Variants in FER1L6 observed in about 807,000 individuals in gnomAD.
FER1L6 encodes the protein fer-1 like family member 6.
Under a neutral mutation model 219.2 loss-of-function variants are expected in FER1L6, and 177 were observed. That is an observed-to-expected ratio of 0.81 (90% CI 0.71 to 0.91). FER1L6 has a LOEUF of 0.91. Ranked by LOEUF, FER1L6 falls within the 40% of genes least tolerant of loss-of-function variation. The probability of loss-of-function intolerance (pLI) is 0.00; values close to 1 mark genes in which losing one functional copy is unlikely to be tolerated. For missense variants in FER1L6, 2,153 were observed against 2,259.9 expected (o/e 0.95, Z 0.96); for synonymous variants, 768 against 824.3 (o/e 0.93, Z 1.17).
At chr8:123,987,852 C>T (rs139739978) in intron 12 of FER1L6, among the ~76,000 whole-genome samples, 1 of 152,150 alleles carries the variant, frequency 6.6e-6, no homozygotes, top group South Asian at 2.1e-4. Flanking sequence ...TGGCTCACAC[C>T]TGTAATCCCA....
intron 2 of FER1L6, 96 bp downstream of exon 2, chr8:123,956,170 G>T: frequency 9.1e-7 from 1 of 1,104,184 alleles, no homozygotes; most frequent in Non-Finnish European, 1.3e-6. Flanking sequence ...CAATGGGAGC[G>T]AGGGGGAGTG....
chr8:123,985,914 A>C (rs1401155423), intron 11 of FER1L6, 154 bp from the exon 12 acceptor site: 5 of 598,004 alleles, frequency 8.4e-6, no homozygotes, highest in African/African-American at 5.6e-5. Flanking sequence ...TGATTCATAC[A>C]TGTCTTATTT....
intron 10 of FER1L6, among the ~76,000 whole-genome samples, chr8:123,978,659 A>G (rs1816197374): frequency 6.6e-6 from 1 of 152,218 alleles, no homozygotes; most frequent in South Asian, 2.1e-4. Flanking sequence ...ATATACATGT[A>G]TGTACAAATA....
rs192956509 is a variant in FER1L6 at position 124,056,683 on chromosome 8, A to C, written c.2875-3497A>C. Among the ~76,000 whole-genome samples the C allele has an allele frequency of 6.3e-4, 96 of 152,306 alleles. 1 individual carries two copies. The highest frequency in any genetic ancestry group is 2.9e-3 in the Admixed American group (44 of 15,298). ...GACCTGCTAATGAAGACTTTGCAGA[A>C]GGCATCCACCCTAAAATAGGCTTAA... On this transcript the variant is annotated intron_variant, in intron 22 of 40. Transcript: ENST00000522917.
At chr8:123,874,779 C>T (rs1816977549) in intron 1 of FER1L6, among the ~76,000 whole-genome samples, 1 of 152,200 alleles carries the variant, frequency 6.6e-6, no homozygotes, top group Admixed American at 6.5e-5. Context: ...CCTGAATCAT[C>T]AAATGTTCCC....
rs1238921093 is a variant in FER1L6 at position 123,851,991 on chromosome 8, G to A, written c.-202G>A. ...TGTAAAGTACTGTCACCTAGTTGGT[G>A]AGGTTGCCTGTAACTGACTTCAAAA... On this transcript the variant is annotated 5_prime_UTR_variant, in exon 1 of 41. Coordinates refer to ENST00000522917, the MANE Select transcript of FER1L6 (RefSeq NM_001039112.2). The A allele has an allele frequency of 6.6e-6, 1 of 152,218 alleles. No individual in the cohort carries two copies. The highest frequency in any genetic ancestry group is 2.4e-5 in the African/African-American group (1 of 41,462). The allele number at this position is 152,218 out of a possible 1,614,324, so 9.4% of individuals were successfully genotyped here. A position where few individuals can be genotyped will look rare whatever the true frequency, so the allele number is the denominator to read the frequency against.
chr8:123,976,743 T>A (rs926303473), intron 9 of FER1L6, among the ~76,000 whole-genome samples: 2 of 152,132 alleles, frequency 1.3e-5, no homozygotes, highest in Admixed American at 1.3e-4. Flanking sequence ...CCCCAGGTAG[T>A]CCTTGTCTTA....
At chr8:124,109,036 T>C (rs1822901623) in intron 39 of FER1L6, among the ~76,000 whole-genome samples, 2 of 152,132 alleles carry the variant, frequency 1.3e-5, no homozygotes, top group Admixed American at 1.3e-4. Context: ...ATGGCTACGT[T>C]GTCTGGGGGT....
chr8:124,107,243 C>T (rs980752594), intron 39 of FER1L6, among the ~76,000 whole-genome samples: 5 of 152,156 alleles, frequency 3.3e-5, no homozygotes, highest in South Asian at 4.2e-4. Context: ...CCACCGCGCC[C>T]GGCCAAGAGA....
rs1185227317 is a variant in FER1L6 at position 124,071,620 on chromosome 8, T to C, written c.4081T>C (p.Tyr1361His). The C allele has an allele frequency of 6.2e-6, 10 of 1,613,334 alleles. No individual in the cohort carries two copies. The East Asian group carries it at 1.1e-4, about 18-fold the overall frequency. ...CCCTGTCACAGTGCTGATCAGAGTA[T>C]ACATTGTCGCGGTGAGCCATTCTTG... ...NHPVTVLIRV[Y>H]IVAAFNLSPA... Residue 1361 changes from tyrosine (Y) to histidine (H), a missense_variant, in exon 31 of 41, where the codon TAC (tyrosine) becomes CAC (histidine). Physicochemically the swap from Tyr to His is moderately conservative, Grantham distance 83. Coordinates refer to ENST00000522917, the MANE Select transcript of FER1L6 (RefSeq NM_001039112.2).
intron 2 of FER1L6, among the ~76,000 whole-genome samples, chr8:123,960,513 C>T (rs897839074): frequency 4.6e-5 from 7 of 152,294 alleles, no homozygotes; most frequent in African/African-American, 1.7e-4. Context: ...ACCTATCCTT[C>T]CTAGACTAGT....
At chr8:123,867,308 T>A (rs1484974894) in intron 1 of FER1L6, among the ~76,000 whole-genome samples, 8 of 152,242 alleles carry the variant, frequency 5.3e-5, no homozygotes, top group Admixed American at 5.2e-4. Flanking sequence ...CTAGGGACAA[T>A]GTGGTCCCAC....
chr8:124,117,450 T>C (rs183758996), intron 39 of FER1L6, among the ~76,000 whole-genome samples: 34 of 152,362 alleles, frequency 2.2e-4, no homozygotes, highest in African/African-American at 7.9e-4. Flanking sequence ...TGAATGCCTA[T>C]ATGTGCAAGT....
intron 39 of FER1L6, 146 bp from the exon 40 acceptor site, chr8:124,118,698 A>G (rs997341484): frequency 7.0e-6 from 5 of 711,494 alleles, no homozygotes; most frequent in Non-Finnish European, 1.1e-5. Flanking sequence ...CAGGACCAAA[A>G]AAAGCAACAA....
intron 13 of FER1L6, among the ~76,000 whole-genome samples, chr8:124,006,887 A>G (rs1283621688): frequency 3.3e-5 from 5 of 152,206 alleles, no homozygotes; most frequent in African/African-American, 9.6e-5. Context: ...CCAAACAGAC[A>G]AAGGCCTTGA....
chr8:123,871,869 T>C (rs369314577), intron 1 of FER1L6, among the ~76,000 whole-genome samples: 4 of 152,210 alleles, frequency 2.6e-5, no homozygotes, highest in East Asian at 3.9e-4. Flanking sequence ...ATCTTTGATA[T>C]GATGTGATGA....
At chr8:124,039,707 C>T (rs1819388647) in intron 19 of FER1L6, among the ~76,000 whole-genome samples, 175 bp from the exon 20 acceptor site, 1 of 152,192 alleles carries the variant, frequency 6.6e-6, no homozygotes, top group Non-Finnish European at 1.5e-5. Context: ...TAAATATCAC[C>T]TCTTCCCTTT....
chr8:123,920,701 C>A (rs938889125), intron 1 of FER1L6, among the ~76,000 whole-genome samples: 3 of 152,178 alleles, frequency 2.0e-5, no homozygotes, highest in South Asian at 2.1e-4. Context: ...CTGTAAAAAA[C>A]CATAAAATTT....
intron 20 of FER1L6, among the ~76,000 whole-genome samples, chr8:124,042,282 G>A (rs558400639): frequency 6.6e-6 from 1 of 152,324 alleles, no homozygotes; most frequent in African/African-American, 2.4e-5. Flanking sequence ...AGGTTCTGTT[G>A]AGTTCTGGAC....
Sources: allele counts gnomAD v4.1 joint callset (sites outside exome capture counted in the v4.1 genomes callset), GRCh38; gene constraint gnomAD v4.1.1; transcripts MANE v1.5; gene names NCBI Gene and HGNC (gene_info 2026-07-23, HGNC 2026-07-21).